UST: variants seen among roughly 807,000 people sequenced by gnomAD.
UST encodes uronyl 2-sulfotransferase.
In UST, 21 loss-of-function variants were observed where a neutral mutation model predicts 45.6. That is an observed-to-expected ratio of 0.46 (90% CI 0.33 to 0.66). UST has a LOEUF of 0.66. Among genes scored for constraint, UST ranks in the 30% least tolerant of loss-of-function variants. The pLI is 0.02. For synonymous variants in UST, 215 were observed against 200.6 expected (o/e 1.07, Z -0.61); for missense variants, 463 against 512.4 (o/e 0.90, Z 0.93).
intron 1 of UST, among the ~76,000 whole-genome samples, chr6:148,814,193 C>T (rs1412373404): frequency 6.6e-6 from 1 of 152,100 alleles, no homozygotes; most frequent in Non-Finnish European, 1.5e-5. Context: ...ATGAAGTCCC[C>T]AGAACAGAGG....
At position 148,921,944 on chromosome 6, in the gene UST, G is replaced by A. The variant is rs148173118; in HGVS notation, c.292-19335G>A. Among the ~76,000 whole-genome samples the A allele has an allele frequency of 7.3e-3, 1,108 of 152,214 alleles. 12 individuals carry two copies. Among genetic ancestry groups the A allele is most frequent in the Middle Eastern group, 0.024 (7 of 294 alleles). On this transcript the variant is annotated intron_variant, in intron 2 of 7. Transcript: ENST00000367463. ...TCCCCACCCTCTCCTCAAACACCCA[G>A]CATCATCAGAGCCAGAATTAGTAAG...
At chr6:148,890,708 TG>T (rs775471647) in intron 2 of UST, among the ~76,000 whole-genome samples, 4 of 152,210 alleles carry the variant, frequency 2.6e-5, no homozygotes, top group Non-Finnish European at 4.4e-5. Context: ...CAAAGCCCTC[TG>T]ATTTTCACTT....
intron 5 of UST, among the ~76,000 whole-genome samples, chr6:149,004,531 G>C (rs1781609648): frequency 6.6e-6 from 1 of 152,208 alleles, no homozygotes; most frequent in Non-Finnish European, 1.5e-5. Flanking sequence ...CCAAATCCAG[G>C]AGTAGGTAAC....
rs1257304971 is a variant in UST, at chr6:149,025,856, C to CA, written c.937+4385dup. On this transcript the variant is annotated intron_variant, in intron 7 of 7. Coordinates refer to ENST00000367463, the MANE Select transcript of UST (RefSeq NM_005715.3). ...CAAAAGCTCGTCTCTACTAAAAATA[C>CA]AAAAAAAAAAGTCCAGGCGTGGTGG... Among the ~76,000 whole-genome samples the CA allele has an allele frequency of 4.1e-3, 599 of 146,016 alleles. 7 individuals are homozygous for CA. Among genetic ancestry groups the CA allele is most frequent in the African/African-American group, 0.013 (533 of 39,972 alleles).
intron 1 of UST, among the ~76,000 whole-genome samples, chr6:148,850,331 T>G (rs1359100099): frequency 1.3e-5 from 2 of 152,146 alleles, no homozygotes; most frequent in Non-Finnish European, 2.9e-5. Context: ...ACACCCCGTC[T>G]TGAAGAATTT....
intron 1 of UST, among the ~76,000 whole-genome samples, chr6:148,815,957 C>A (rs957797667): frequency 1.1e-4 from 17 of 152,150 alleles, no homozygotes; most frequent in Non-Finnish European, 2.5e-4. Context: ...TCTTATCTTC[C>A]TGTCTGGGAC....
chr6:148,799,925 C>T (rs937819367), intron 1 of UST, among the ~76,000 whole-genome samples: 13 of 152,206 alleles, frequency 8.5e-5, no homozygotes, highest in South Asian at 2.1e-4. Context: ...CACTCCCTCT[C>T]GCCCTCTTTC....
chr6:148,832,344 A>G (rs946520380), intron 1 of UST, among the ~76,000 whole-genome samples: 1 of 152,222 alleles, frequency 6.6e-6, no homozygotes, highest in Admixed American at 6.5e-5. Context: ...CTTTATTGAA[A>G]TCATCCAAAA....
chr6:148,935,808 T>C (rs1780014064), intron 2 of UST, among the ~76,000 whole-genome samples: 1 of 152,134 alleles, frequency 6.6e-6, no homozygotes, highest in African/African-American at 2.4e-5. Flanking sequence ...GCGTTGACAC[T>C]CTGGGCTTCC....
intron 2 of UST, among the ~76,000 whole-genome samples, chr6:148,906,180 T>G (rs1779356048): frequency 6.6e-6 from 1 of 152,172 alleles, no homozygotes; most frequent in Admixed American, 6.5e-5. Context: ...AGGTGGATGC[T>G]TCTTGCCCAG....
intron 2 of UST, among the ~76,000 whole-genome samples, chr6:148,912,294 T>C (rs141523853): frequency 1.2e-3 from 186 of 152,352 alleles, no homozygotes; most frequent in African/African-American, 4.3e-3. Flanking sequence ...ACTGAAAAAA[T>C]ACCTCAGTGA....
chr6:149,022,195 TCTC>T (rs1379778603), intron 7 of UST, among the ~76,000 whole-genome samples: 1 of 152,206 alleles, frequency 6.6e-6, no homozygotes, highest in African/African-American at 2.4e-5. Context: ...TTTTTCCTAT[TCTC>T]CTTAATCTAC....
chr6:148,810,609 G>T (rs1197223541), intron 1 of UST, among the ~76,000 whole-genome samples: 1 of 152,212 alleles, frequency 6.6e-6, no homozygotes, highest in African/African-American at 2.4e-5. Flanking sequence ...GCTAAGCAAT[G>T]TGGGGTCAAA....
intron 5 of UST, among the ~76,000 whole-genome samples, chr6:148,999,673 A>G (rs145649687): frequency 3.3e-5 from 5 of 151,744 alleles, no homozygotes; most frequent in Non-Finnish European, 7.4e-5. Flanking sequence ...AAAAATGATT[A>G]CGTTTCTCTA....
intron 1 of UST, among the ~76,000 whole-genome samples, chr6:148,839,005 T>A (rs1410207731): frequency 6.6e-6 from 1 of 152,238 alleles, no homozygotes; most frequent in East Asian, 1.9e-4. Context: ...ATATTCGGAT[T>A]CAACTGTTGT....
intron 7 of UST, among the ~76,000 whole-genome samples, chr6:149,022,175 C>T (rs567315313): frequency 3.3e-5 from 5 of 152,238 alleles, no homozygotes; most frequent in Admixed American, 2.0e-4. Flanking sequence ...AGACAAACAA[C>T]GTTGTTTGTT....
intron 1 of UST, among the ~76,000 whole-genome samples, chr6:148,859,240 C>T (rs1778262491): frequency 6.6e-6 from 1 of 152,198 alleles, no homozygotes; most frequent in Non-Finnish European, 1.5e-5. Flanking sequence ...CTCTGATGGC[C>T]AGTGATGATG....
intron 1 of UST, among the ~76,000 whole-genome samples, chr6:148,821,160 G>A (rs963938527): frequency 1.3e-4 from 19 of 151,070 alleles, no homozygotes; most frequent in Admixed American, 7.9e-4. Context: ...CAGTAGAGTC[G>A]GGGTTTTGCC....
intron 1 of UST, among the ~76,000 whole-genome samples, chr6:148,797,610 A>G (rs1360405294): frequency 1.3e-5 from 2 of 152,202 alleles, no homozygotes; most frequent in Non-Finnish European, 2.9e-5. Flanking sequence ...GTACACAGTG[A>G]TAAGGTATGT....
Sources: allele counts gnomAD v4.1 joint callset (sites outside exome capture counted in the v4.1 genomes callset), GRCh38; gene constraint gnomAD v4.1.1; transcripts MANE v1.5; gene names NCBI Gene and HGNC (gene_info 2026-07-23, HGNC 2026-07-21).